The following MMP26 variants were observed in gnomAD, a reference collection of about 807,000 sequenced individuals.
MMP26 encodes the protein matrix metalloproteinase-26.
In MMP26, 33 loss-of-function variants were observed where a neutral mutation model predicts 31.0. The ratio of observed to expected loss-of-function variants is 1.06; its 90% CI spans 0.81 to 1.42. The LOEUF is 1.42. Among genes scored for constraint, MMP26 ranks in the 40% most tolerant of loss-of-function variants. The pLI is 0.00. For synonymous variants in MMP26, 122 were observed against 114.9 expected (o/e 1.06, Z -0.40); for missense variants, 347 against 316.1 (o/e 1.10, Z -0.74).
intron 2 of MMP26, chr11:4,803,739 C>T: frequency 6.2e-7 from 1 of 1,613,768 alleles, no homozygotes; most frequent in South Asian, 1.1e-5. Flanking sequence ...CAATGACAAT[C>T]ATATCAAAGC....
intron 1 of MMP26, among the ~76,000 whole-genome samples, chr11:4,722,196 T>C (rs1354852123): frequency 2.0e-5 from 3 of 152,234 alleles, no homozygotes; most frequent in African/African-American, 7.2e-5. Context: ...TTTATAGCAG[T>C]GTGAGAATGG....
intron 2 of MMP26, chr11:4,938,396 T>A (rs1263251192): frequency 6.6e-6 from 1 of 151,360 alleles, no homozygotes; most frequent in Non-Finnish European, 1.5e-5. Flanking sequence ...ACATTATAGA[T>A]ACTAAGAGTA....
intron 1 of MMP26, among the ~76,000 whole-genome samples, chr11:4,708,909 A>G (rs79978053): frequency 0.02 from 2,975 of 152,306 alleles, 98 homozygotes; most frequent in African/African-American, 0.068. Flanking sequence ...CAACTTCTCA[A>G]TTATTACATG....
In MMP26 at chr11:4,781,604, A is replaced by AAAAC; in HGVS notation, c.-145+14264_-145+14267dup. ...AAAAAAAAAAAAAAAAAAAAAAAAA[A>AAAAC]AAACTGATTGCATAATCAAGTATTA... On this transcript the variant is annotated intron_variant, in intron 2 of 7. Coordinates refer to ENST00000380390, the MANE Select transcript of MMP26 (RefSeq NM_021801.5). Among the ~76,000 whole-genome samples, 4 of 145,470 alleles carry AAAAC rather than the reference A, an allele frequency of 2.7e-5. No individual in the cohort carries two copies. In the East Asian group the frequency reaches 6.2e-4, roughly 22 times the overall value.
At chr11:4,803,757 A>G in intron 2 of MMP26, 2 of 1,613,778 alleles carry the variant, frequency 1.2e-6, no homozygotes, top group Non-Finnish European at 1.7e-6. Context: ...AGCCAGCCAC[A>G]GAGAAGGCCA....
At chr11:4,761,808 A>C (rs1489859277) in intron 1 of MMP26, among the ~76,000 whole-genome samples, 1 of 152,208 alleles carries the variant, frequency 6.6e-6, no homozygotes, top group East Asian at 1.9e-4. Context: ...AGGTAATAGC[A>C]TAATGCCAGT....
intron 2 of MMP26, among the ~76,000 whole-genome samples, chr11:4,985,831 A>T (rs1846877611): frequency 6.6e-6 from 1 of 152,240 alleles, no homozygotes; most frequent in South Asian, 2.1e-4. Context: ...CAGTCAAGAA[A>T]TAGACATTTC....
chr11:4,901,840 T>C (rs779734217), intron 2 of MMP26, among the ~76,000 whole-genome samples: 11 of 152,200 alleles, frequency 7.2e-5, no homozygotes, highest in Non-Finnish European at 1.3e-4. Flanking sequence ...TATATTGTCA[T>C]TGATATAGTG....
At position 4,954,772 on chromosome 11, in the gene MMP26, T is replaced by C. The variant is rs763035199; in HGVS notation, c.-144-33296T>C. On this transcript the variant is annotated intron_variant, in intron 2 of 7. Coordinates refer to ENST00000380390, the MANE Select transcript of MMP26 (RefSeq NM_021801.5). ...CCAGGTTTTCTGTCACATATGACTG[T>C]TAAATCTTCCATTGACACAATTTTG... 4 of 1,062,222 alleles carry C rather than the reference T, an allele frequency of 3.8e-6. 1 individual carries two copies. In the South Asian group the frequency reaches 5.2e-5, roughly 14 times the overall value. The allele number at this position is 1,062,222 out of a possible 1,614,324, so 65.8% of individuals were successfully genotyped here. A position where few individuals can be genotyped will look rare whatever the true frequency, so the allele number is the denominator to read the frequency against.
intron 2 of MMP26, among the ~76,000 whole-genome samples, chr11:4,831,925 C>A (rs1223082498): frequency 3.9e-5 from 6 of 152,060 alleles, no homozygotes; most frequent in Non-Finnish European, 8.8e-5. Context: ...TTAAATGAAT[C>A]CTGTGATGAA....
intron 2 of MMP26, among the ~76,000 whole-genome samples, chr11:4,781,863 G>A (rs1278486899): frequency 1.3e-5 from 2 of 152,090 alleles, no homozygotes; most frequent in African/African-American, 4.8e-5. Flanking sequence ...GGTTTGATAA[G>A]GGGAAACCCT....
rs1848770104 is a variant in MMP26 at position 4,774,838 on chromosome 11, T to C, written c.-145+7497T>C. 3.9e-5 allele frequency among the ~76,000 whole-genome samples: 6 copies of C among 152,038 alleles called. No homozygotes were observed. The South Asian group carries it at 1.2e-3, about 32-fold the overall frequency. ...GAGGAAGGGGTCCAGTTTCAATTTTTTGCAAATGGATAGCTAGTTCTCCCA... is the reference window on the plus strand; with the variant it reads ...GAGGAAGGGGTCCAGTTTCAATTTTCTGCAAATGGATAGCTAGTTCTCCCA... On this transcript the variant is annotated intron_variant, in intron 2 of 7. Coordinates refer to ENST00000380390, the MANE Select transcript of MMP26 (RefSeq NM_021801.5).
At chr11:4,761,596 G>C (rs76172881) in intron 1 of MMP26, among the ~76,000 whole-genome samples, 2,567 of 152,196 alleles carry the variant, frequency 0.017, 66 homozygotes, top group African/African-American at 0.057. Flanking sequence ...GAAAATAAAC[G>C]TATTGACCCA....
chr11:4,721,242 G>A (rs1439254679), intron 1 of MMP26, among the ~76,000 whole-genome samples: 1 of 152,140 alleles, frequency 6.6e-6, no homozygotes, highest in Non-Finnish European at 1.5e-5. Context: ...CATGATAGGG[G>A]TTTTATTAGG....
chr11:4,865,094 AT>A (rs2133518915), intron 2 of MMP26, among the ~76,000 whole-genome samples: 1 of 152,178 alleles, frequency 6.6e-6, no homozygotes, highest in Non-Finnish European at 1.5e-5. Flanking sequence ...TCCCATCAGC[AT>A]TTATACAATC....
intron 2 of MMP26, among the ~76,000 whole-genome samples, chr11:4,891,143 A>T: frequency 6.6e-6 from 1 of 152,050 alleles, no homozygotes; most frequent in East Asian, 1.9e-4. Context: ...GCAAGGTGTG[A>T]CAGGCTGTTC....
chr11:4,979,804 A>T (rs1846788048), intron 2 of MMP26, among the ~76,000 whole-genome samples: 1 of 152,102 alleles, frequency 6.6e-6, no homozygotes, highest in Non-Finnish European at 1.5e-5. Context: ...AGCCTTAGGT[A>T]CATGACAGGC....
At chr11:4,904,033 A>C (rs1850844154) in intron 2 of MMP26, among the ~76,000 whole-genome samples, 1 of 152,082 alleles carries the variant, frequency 6.6e-6, no homozygotes, top group Non-Finnish European at 1.5e-5. Flanking sequence ...ATGACAAATA[A>C]AAGCAAGCCT....
intron 2 of MMP26, chr11:4,908,113 C>T (rs768982023): frequency 9.9e-6 from 16 of 1,614,070 alleles, no homozygotes; most frequent in Admixed American, 5.0e-5. Flanking sequence ...GTGCTGTGCT[C>T]ACCTTCTATG....
Sources: allele counts gnomAD v4.1 joint callset (sites outside exome capture counted in the v4.1 genomes callset), GRCh38; gene constraint gnomAD v4.1.1; transcripts MANE v1.5; gene names NCBI Gene and HGNC (gene_info 2026-07-23, HGNC 2026-07-21).